ZNF730: variants seen among roughly 807,000 people sequenced by gnomAD.
ZNF730 encodes putative zinc finger protein 730.
Under a neutral mutation model 12.6 loss-of-function variants are expected in ZNF730, and 12 were observed. The ratio of observed to expected loss-of-function variants is 0.95; its 90% CI spans 0.61 to 1.54. The LOEUF (loss-of-function observed/expected upper bound fraction) is 1.54, where lower values mean the gene tolerates loss of function less well. Ranked by LOEUF, ZNF730 falls within the 40% of genes most tolerant of loss-of-function variation. The pLI, the probability that ZNF730 is intolerant of heterozygous loss-of-function variation, is 0.00. For synonymous variants in ZNF730, 194 were observed against 195.8 expected, an observed-to-expected ratio of 0.99 and a Z score of 0.08; for missense variants, 643 against 583.5, an observed-to-expected ratio of 1.10 and a Z score of -1.05.
chr19:23,145,267 T>C lies in ZNF730; in HGVS notation c.227-4T>C, dbSNP rs749941508. ...CAGTAATTTGTTATTTTTATTTCTT[T>C]CAGTTATATGTTCTCATATTGCCCA... On this transcript the variant is annotated splice_polypyrimidine_tract_variant and splice_region_variant and intron_variant, in intron 3 of 3. Transcript: ENST00000597761. 2.7e-6 allele frequency: 4 copies of C among 1,489,140 alleles called. No individual in the cohort carries two copies. In the African/African-American group the frequency reaches 5.6e-5, roughly 21 times the overall value. The allele number at this position is 1,489,140 out of a possible 1,614,324, so 92.2% of individuals were successfully genotyped here. A position where few individuals can be genotyped will look rare whatever the true frequency, so the allele number is the denominator to read the frequency against.
At chr19:23,076,702 GA>G (rs1332887350) in intron 1 of ZNF730, among the ~76,000 whole-genome samples, 1 of 152,120 alleles carries the variant, frequency 6.6e-6, no homozygotes, top group African/African-American at 2.4e-5. Context: ...AGAACATTAA[GA>G]TTTTTTTGGT....
At chr19:23,136,539 G>A (rs1680990481) in intron 3 of ZNF730, among the ~76,000 whole-genome samples, 1 of 152,094 alleles carries the variant, frequency 6.6e-6, no homozygotes, top group South Asian at 2.1e-4. Context: ...TGAGTAGCTA[G>A]GATTACAGGC....
At chr19:23,133,742 C>CA (rs1970777547) in intron 1 of ZNF730, among the ~76,000 whole-genome samples, 1 of 152,216 alleles carries the variant, frequency 6.6e-6, no homozygotes, top group Admixed American at 6.5e-5. Flanking sequence ...CCTTCTAACT[C>CA]AATGTGACTT....
chr19:23,083,797 T>A lies in ZNF730; in HGVS notation c.-94+8410T>A, dbSNP rs184644909. Reference sequence around the variant, plus strand: ...TTTTATTTTAGAATTTCACAGTTTTTAAAATAATTTTGAATATTAATTCCT... The same window carrying A: ...TTTTATTTTAGAATTTCACAGTTTTAAAAATAATTTTGAATATTAATTCCT... On this transcript the variant is annotated intron_variant, in intron 1 of 2. Transcript: ENST00000593635. Among the ~76,000 whole-genome samples, 80 of 152,304 alleles carry A rather than the reference T, an allele frequency of 5.3e-4. 1 individual carries two copies. Among genetic ancestry groups the A allele is most frequent in the African/African-American group, 1.9e-3 (79 of 41,598 alleles).
At chr19:23,126,689 G>T (rs1403081259) in intron 1 of ZNF730, 5 of 472,718 alleles carry the variant, frequency 1.1e-5, no homozygotes, top group Admixed American at 5.7e-5. Flanking sequence ...ATGCAGCAAT[G>T]CTTCTTGTCT....
chr19:23,133,039 C>T (rs1175367722), intron 1 of ZNF730, among the ~76,000 whole-genome samples: 1 of 152,168 alleles, frequency 6.6e-6, no homozygotes, highest in Non-Finnish European at 1.5e-5. Flanking sequence ...ATATTAGTAA[C>T]TCACTTGATT....
At chr19:23,119,987 T>A (rs1217573718) in intron 1 of ZNF730, among the ~76,000 whole-genome samples, 1 of 151,436 alleles carries the variant, frequency 6.6e-6, no homozygotes, top group Non-Finnish European at 1.5e-5. Flanking sequence ...GGACTCACTT[T>A]CTTTCTTTTT....
rs77173689 is a variant in ZNF730 at position 23,130,162 on chromosome 19, G to A, written c.4-3918G>A. ...TTCTCACAAGTCATGGGAAAAACAC[G>A]GTGGGAGATGATTCAGTTATGGGAG... On this transcript the variant is annotated intron_variant, in intron 1 of 3. Coordinates refer to ENST00000597761, the MANE Select transcript of ZNF730 (RefSeq NM_001277403.2). Among the ~76,000 whole-genome samples, 1,243 of 152,228 alleles carry A rather than the reference G, an allele frequency of 8.2e-3. 7 individuals carry two copies. The highest frequency in any genetic ancestry group is 0.014 in the South Asian group (68 of 4,816).
At chr19:23,082,155 G>T (rs983015224) in intron 1 of ZNF730, among the ~76,000 whole-genome samples, 2 of 152,064 alleles carry the variant, frequency 1.3e-5, no homozygotes, top group Admixed American at 6.6e-5. Flanking sequence ...CTTAATATTT[G>T]TTAAGTAACC....
chr19:23,117,286 G>A, intron 1 of ZNF730, 110 bp downstream of exon 1: 1 of 1,587,112 alleles, frequency 6.3e-7, no homozygotes, highest in South Asian at 1.1e-5. Context: ...CACAATCTGC[G>A]CCCAGAGTTC....
At chr19:23,127,632 A>T in intron 1 of ZNF730, 1 of 1,093,026 alleles carries the variant, frequency 9.1e-7, no homozygotes, top group Non-Finnish European at 1.4e-6. Context: ...TTTGGCAATA[A>T]ACTCTTTGTG....
At chr19:23,135,221 TAAAAAAAAAAAAAAAAAAAAAAAA>T (rs57748615) in intron 2 of ZNF730, among the ~76,000 whole-genome samples, 8 of 38,820 alleles carry the variant, frequency 2.1e-4, no homozygotes, top group Admixed American at 1.2e-3. Flanking sequence ...GAATGATCAA[TAAAAAAAAAAAAAAAAAAAAAAAA>T]AAAAAAAAAA....
intron 1 of ZNF730, among the ~76,000 whole-genome samples, chr19:23,094,396 ATCTG>A (rs1258789529): frequency 1.4e-5 from 2 of 147,304 alleles, no homozygotes; most frequent in East Asian, 2.0e-4. Flanking sequence ...CTATCTGTCT[ATCTG>A]TCTATCTATC....
chr19:23,127,168 A>G (rs1316882963), intron 1 of ZNF730: 11 of 543,042 alleles, frequency 2.0e-5, no homozygotes, highest in Non-Finnish European at 3.9e-5. Context: ...TTCATGCTCA[A>G]AGAAATTATC....
At chr19:23,086,101 C>A (rs1970060734) in intron 1 of ZNF730, among the ~76,000 whole-genome samples, 1 of 152,090 alleles carries the variant, frequency 6.6e-6, no homozygotes, top group Non-Finnish European at 1.5e-5. Flanking sequence ...CCTTGGCCTC[C>A]CAAAGTGCTG....
At chr19:23,114,005 CTG>C (rs1370185389), upstream of ZNF730, among the ~76,000 whole-genome samples, 12 of 152,160 alleles carry the variant, frequency 7.9e-5, no homozygotes, top group Non-Finnish European at 1.8e-4. Flanking sequence ...TGTAAATAGA[CTG>C]TACTCATTTT....
At chr19:23,079,224 C>T (rs1462385495) in intron 1 of ZNF730, among the ~76,000 whole-genome samples, 1 of 152,146 alleles carries the variant, frequency 6.6e-6, no homozygotes. Flanking sequence ...GCGGTGCGAC[C>T]TTGGCTCACT....
intron 1 of ZNF730, among the ~76,000 whole-genome samples, chr19:23,081,189 G>C (rs554214988): frequency 2.0e-5 from 3 of 151,150 alleles, no homozygotes; most frequent in Non-Finnish European, 4.4e-5. Flanking sequence ...TTGTTGCAGA[G>C]GCTGGAGGGC....
intron 1 of ZNF730, chr19:23,128,563 G>A (rs568494119): frequency 1.8e-5 from 4 of 225,386 alleles, no homozygotes; most frequent in African/African-American, 2.3e-5. Context: ...TTTTCAATGA[G>A]GATTTTTTAG....
Sources: allele counts gnomAD v4.1 joint callset (sites outside exome capture counted in the v4.1 genomes callset), GRCh38; gene constraint gnomAD v4.1.1; transcripts MANE v1.5; gene names NCBI Gene and HGNC (gene_info 2026-07-23, HGNC 2026-07-21).